PALLD: variants seen among roughly 807,000 people sequenced by gnomAD.
The protein encoded by PALLD is palladin, cytoskeletal associated protein, also known as palladin.
A neutral mutation model predicts 123.5 loss-of-function variants in PALLD; 61 were observed. The observed-to-expected ratio is 0.49, with a 90% CI of 0.40 to 0.61. PALLD has a LOEUF of 0.61. Ranked by LOEUF, PALLD falls within the 20% of genes least tolerant of loss-of-function variation. The pLI, the probability that PALLD is intolerant of heterozygous loss-of-function variation, is 0.00. For synonymous variants in PALLD, 465 were observed against 496.4 expected (o/e 0.94, Z 0.84); for missense variants, 1,273 against 1,377.0 (o/e 0.92, Z 1.20).
intron 3 of PALLD, among the ~76,000 whole-genome samples, chr4:168,672,646 G>A (rs976984834): frequency 1.3e-5 from 2 of 152,028 alleles, no homozygotes; most frequent in African/African-American, 4.8e-5. Flanking sequence ...TTTTAGTAGA[G>A]ATGGGGTTTC....
chr4:168,884,562 C>T (rs1331857091), intron 10 of PALLD, among the ~76,000 whole-genome samples: 1 of 152,214 alleles, frequency 6.6e-6, no homozygotes, highest in Non-Finnish European at 1.5e-5. Flanking sequence ...TTTACCACCT[C>T]CTGATATGTC....
chr4:168,813,066 T>C, intron 10 of PALLD, among the ~76,000 whole-genome samples: 1 of 150,778 alleles, frequency 6.6e-6, no homozygotes, highest in East Asian at 2.0e-4. Flanking sequence ...TGTGGTTCTT[T>C]AAGTCTGGAA....
chr4:168,688,723 A>G (rs984767968), intron 6 of PALLD, among the ~76,000 whole-genome samples: 2 of 152,280 alleles, frequency 1.3e-5, no homozygotes, highest in East Asian at 3.9e-4. Context: ...TGGAGCTTTG[A>G]CTGATTAAGT....
At chr4:168,606,989 C>G (rs550586856) in intron 2 of PALLD, among the ~76,000 whole-genome samples, 1 of 152,244 alleles carries the variant, frequency 6.6e-6, no homozygotes, top group East Asian at 1.9e-4. Flanking sequence ...GGCCATTTTT[C>G]TTTAAGATGA....
At chr4:168,583,110 T>C (rs569245571) in intron 2 of PALLD, among the ~76,000 whole-genome samples, 6 of 152,308 alleles carry the variant, frequency 3.9e-5, no homozygotes, top group Admixed American at 2.6e-4. Context: ...ACTTATCATA[T>C]AGTCTTTAGG....
At chr4:168,691,334 G>A in intron 8 of PALLD, 42 bp downstream of exon 8, 1 of 1,531,854 alleles carries the variant, frequency 6.5e-7, no homozygotes, top group Non-Finnish European at 9.0e-7. Context: ...TGGTGGGGGA[G>A]CAGATAATGT....
At chr4:168,699,187 T>C (rs1316536936) in intron 8 of PALLD, among the ~76,000 whole-genome samples, 1 of 152,166 alleles carries the variant, frequency 6.6e-6, no homozygotes, top group Non-Finnish European at 1.5e-5. Context: ...CAAGTGATTC[T>C]CCTGCCTTAG....
At chr4:168,730,888 C>T (rs1246335047) in intron 10 of PALLD, among the ~76,000 whole-genome samples, 7 of 152,148 alleles carry the variant, frequency 4.6e-5, no homozygotes, top group Non-Finnish European at 1.0e-4. Flanking sequence ...TCTGCTGTGC[C>T]AGATGTTTCC....
intron 2 of PALLD, among the ~76,000 whole-genome samples, chr4:168,604,504 A>G (rs1470293504): frequency 6.6e-6 from 1 of 152,222 alleles, no homozygotes; most frequent in Non-Finnish European, 1.5e-5. Flanking sequence ...ATCTCTAGAC[A>G]TAACAAATAG....
At chr4:168,519,207 G>A (rs1277297700) in intron 2 of PALLD, among the ~76,000 whole-genome samples, 3 of 152,204 alleles carry the variant, frequency 2.0e-5, no homozygotes, top group African/African-American at 7.2e-5. Flanking sequence ...GATGAAGCAC[G>A]TGATTTGTGA....
chr4:168,657,619 C>T (rs2149955813), intron 2 of PALLD, among the ~76,000 whole-genome samples: 1 of 152,310 alleles, frequency 6.6e-6, no homozygotes, highest in African/African-American at 2.4e-5. Flanking sequence ...AACGAGCAGC[C>T]TGTAAAATTG....
chr4:168,564,304 C>T (rs1324733160), intron 2 of PALLD, among the ~76,000 whole-genome samples: 1 of 152,200 alleles, frequency 6.6e-6, no homozygotes, highest in Non-Finnish European at 1.5e-5. Context: ...ACCAGTGTCT[C>T]AAGTGAGGTG....
At position 168,745,433 on chromosome 4, in the gene PALLD, G is replaced by C. The variant is rs543159279; in HGVS notation, c.1964+33510G>C. ...TTAGAGTCTGTGAGATGGGAGGGGG[G>C]GGCAAATAATGATTCATTCTCTTAA... On this transcript the variant is annotated intron_variant, in intron 10 of 21. Transcript: ENST00000505667. Among the ~76,000 whole-genome samples the C allele has an allele frequency of 2.6e-4, 36 of 136,130 alleles. No homozygotes were observed. The East Asian group carries it at 5.0e-3, about 19-fold the overall frequency. The allele number at this position is 136,130 out of a possible 152,430, so 89.3% of individuals were successfully genotyped here. A position where few individuals can be genotyped will look rare whatever the true frequency, so the allele number is the denominator to read the frequency against.
At chr4:168,570,014 G>C (rs1231683056) in intron 2 of PALLD, among the ~76,000 whole-genome samples, 1 of 152,040 alleles carries the variant, frequency 6.6e-6, no homozygotes, top group Non-Finnish European at 1.5e-5. Flanking sequence ...TATGATGCTG[G>C]CAAGTATGGA....
intron 10 of PALLD, among the ~76,000 whole-genome samples, chr4:168,790,686 C>T (rs560429388): frequency 6.6e-6 from 1 of 152,240 alleles, no homozygotes; most frequent in African/African-American, 2.4e-5. Context: ...TAGCCAGTGT[C>T]ATGCTGTTTT....
In PALLD at chr4:168,753,361, C is replaced by T. The variant is rs60148635; in HGVS notation, c.1964+41438C>T. Among the ~76,000 whole-genome samples, 636 of 152,068 alleles carry T rather than the reference C, an allele frequency of 4.2e-3. 1 individual carries two copies. Among genetic ancestry groups the T allele is most frequent in the African/African-American group, 0.014 (594 of 41,460 alleles). ...CCCTCCTTCCCCTGCTTCCTGACCC[C>T]CCAAACCCACCCCTTTGTCTCTCTC... On this transcript the variant is annotated intron_variant, in intron 10 of 21. Transcript: ENST00000505667.
At chr4:168,556,101 C>CTTTT (rs200922102) in intron 2 of PALLD, among the ~76,000 whole-genome samples, 1 of 150,660 alleles carries the variant, frequency 6.6e-6, no homozygotes. Context: ...ATATTAATAC[C>CTTTT]CTTTTTTTTT....
chr4:168,825,883 C>T (rs528169845), intron 10 of PALLD, among the ~76,000 whole-genome samples: 1 of 152,256 alleles, frequency 6.6e-6, no homozygotes, highest in Non-Finnish European at 1.5e-5. Context: ...AAGCTGAGGA[C>T]TTTATGCATG....
chr4:168,863,180 A>G (rs1749748099), intron 10 of PALLD, among the ~76,000 whole-genome samples: 1 of 152,138 alleles, frequency 6.6e-6, no homozygotes, highest in Non-Finnish European at 1.5e-5. Context: ...TCAAGTTTGG[A>G]ACCATTTGAC....
Sources: allele counts gnomAD v4.1 joint callset (sites outside exome capture counted in the v4.1 genomes callset), GRCh38; gene constraint gnomAD v4.1.1; transcripts MANE v1.5; gene names NCBI Gene and HGNC (gene_info 2026-07-23, HGNC 2026-07-21).